The following AKAP13 variants were observed in gnomAD, a reference collection of about 807,000 sequenced individuals.
AKAP13 encodes A-kinase anchoring protein 13.
AKAP13 carries 80 observed loss-of-function variants against 264.5 expected under a neutral mutation model. That is an observed-to-expected ratio of 0.30 (90% CI 0.25 to 0.36). The LOEUF is 0.36. Among genes scored for constraint, AKAP13 ranks in the 10% least tolerant of loss-of-function variants. The pLI, the probability that AKAP13 is intolerant of heterozygous loss-of-function variation, is 1.00. For synonymous variants in AKAP13, 1,380 were observed against 1,250.2 expected, an observed-to-expected ratio of 1.10 and a Z score of -2.19; for missense variants, 3,712 against 3,435.2, an observed-to-expected ratio of 1.08 and a Z score of -2.01.
chr15:85,740,286 T>C lies in AKAP13; in HGVS notation c.7608+14T>C, dbSNP rs758597500. 6.2e-7 allele frequency: 1 copy of C among 1,613,694 alleles called. No homozygotes were observed. Among genetic ancestry groups the C allele is most frequent in the Non-Finnish European group, 8.5e-7 (1 of 1,179,680 alleles). ...AGCGCTCTGCAGGTGCGTGCCTTCA[T>C]CTTCCATCCCTGCGTTTATTTGTCT... On this transcript the variant is annotated intron_variant, in intron 34 of 36. Transcript: ENST00000394518.
In AKAP13 at chr15:85,723,264, A is replaced by C; in HGVS notation, c.6689A>C (p.Lys2230Thr). ...TTTGCCAAGGAAGATTTGAAACGGA[A>C]GAAGCTTGTACGTGATGGGAGTGTG... ...QMFAKEDLKR[K>T]KLVRDGSVFL... Residue 2230 changes from lysine to threonine, a missense_variant, in exon 26 of 37, where the codon AAG becomes ACG. This residue lies in a region of AKAP13 where 342 missense variants were observed against 484.3 expected (regional missense o/e 0.71). Coordinates refer to ENST00000394518, the MANE Select transcript of AKAP13 (RefSeq NM_007200.5). 1 of 1,614,162 alleles carries C rather than the reference A, an allele frequency of 6.2e-7. No homozygotes were observed. Among genetic ancestry groups the C allele is most frequent in the Non-Finnish European group, 8.5e-7 (1 of 1,179,986 alleles).
intron 5 of AKAP13, among the ~76,000 whole-genome samples, chr15:85,570,116 C>A (rs1310571253): frequency 1.4e-5 from 2 of 142,238 alleles, no homozygotes; most frequent in South Asian, 2.3e-4. Context: ...TTGATATTTA[C>A]TTATCACTGG....
In AKAP13 at chr15:85,708,986, G is replaced by A. The variant is rs2086476133; in HGVS notation, c.5532+900G>A. Among the ~76,000 whole-genome samples the A allele has an allele frequency of 6.6e-6, 1 of 152,158 alleles. No individual in the cohort carries two copies. Among genetic ancestry groups the A allele is most frequent in the Non-Finnish European group, 1.5e-5 (1 of 68,022 alleles). Reference sequence around the variant, plus strand: ...TCCCAGATGATGCTGATAGTCCGAGGACCTTACTTTGAGAAGCACTAAAAC... The same window carrying A: ...TCCCAGATGATGCTGATAGTCCGAGAACCTTACTTTGAGAAGCACTAAAAC... On this transcript the variant is annotated intron_variant, in intron 18 of 36. Transcript: ENST00000394518. This position sits in a 1 kb window ranked among gnomAD's most constrained non-coding sequence, Gnocchi z 4.3.
intron 1 of AKAP13, among the ~76,000 whole-genome samples, chr15:85,384,943 A>G (rs914058459): frequency 2.6e-5 from 4 of 152,128 alleles, no homozygotes; most frequent in Non-Finnish European, 5.9e-5. Flanking sequence ...TGTGTGGGGC[A>G]ATGCTGTGTT....
chr15:85,579,839 G>A lies in AKAP13; in HGVS notation c.1771G>A (p.Ala591Thr), dbSNP rs372781373. Residue 591 changes from alanine to threonine, a missense_variant, in exon 7 of 37, where the codon GCT becomes ACT. Ala to Thr is a moderately conservative substitution (Grantham distance 58). Coordinates refer to ENST00000394518, the MANE Select transcript of AKAP13 (RefSeq NM_007200.5). ...PVDQNSVVIP[A>T]AAKDKISDGL... ...AGATCAGAATTCTGTGGTGATTCCA[G>A]CTGCTGCAAAAGACAAGATTTCAGA... 6.2e-7 allele frequency: 1 copy of A among 1,614,174 alleles called. No homozygotes were observed. Among genetic ancestry groups the A allele is most frequent in the African/African-American group, 1.3e-5 (1 of 75,052 alleles).
intron 13 of AKAP13, among the ~76,000 whole-genome samples, chr15:85,665,193 A>C (rs1205011890): frequency 6.6e-6 from 1 of 152,066 alleles, no homozygotes; most frequent in Non-Finnish European, 1.5e-5. Context: ...ACAGAGCAAG[A>C]CTCTGTCTCC....
intron 1 of AKAP13, among the ~76,000 whole-genome samples, chr15:85,444,048 A>G (rs1214087621): frequency 6.6e-6 from 1 of 152,178 alleles, no homozygotes; most frequent in Non-Finnish European, 1.5e-5. Context: ...TTTTTATCCT[A>G]GTGATTCGGG....
chr15:85,547,336 C>A (rs1381249386), intron 5 of AKAP13, among the ~76,000 whole-genome samples: 2 of 150,602 alleles, frequency 1.3e-5, no homozygotes, highest in Admixed American at 6.6e-5. Context: ...GTGTGGGGAG[C>A]CTTGTGCTGG....
chr15:85,682,713 G>C (rs531713717), intron 15 of AKAP13, among the ~76,000 whole-genome samples: 1 of 152,008 alleles, frequency 6.6e-6, no homozygotes, highest in African/African-American at 2.4e-5. Context: ...TGTTGCCCAG[G>C]CTGGAGTGCA....
intron 2 of AKAP13, among the ~76,000 whole-genome samples, chr15:85,494,033 A>T (rs1472295298): frequency 6.6e-6 from 1 of 152,216 alleles, no homozygotes; most frequent in African/African-American, 2.4e-5. Context: ...CCATTTTAGG[A>T]AAATCCAATA....
intron 4 of AKAP13, among the ~76,000 whole-genome samples, chr15:85,540,346 T>C (rs2077543716): frequency 6.6e-6 from 1 of 152,212 alleles, no homozygotes; most frequent in Non-Finnish European, 1.5e-5. Flanking sequence ...CCTGCCCACA[T>C]AATCCAGGAT....
At chr15:85,663,968 A>G (rs1356887777) in intron 12 of AKAP13, among the ~76,000 whole-genome samples, 3 of 152,228 alleles carry the variant, frequency 2.0e-5, no homozygotes, top group African/African-American at 2.4e-5. Flanking sequence ...TGCAACTAAC[A>G]ATTCTCGAGA....
intron 16 of AKAP13, among the ~76,000 whole-genome samples, chr15:85,686,050 AC>A (rs1328861210): frequency 2.0e-5 from 3 of 152,134 alleles, no homozygotes; most frequent in African/African-American, 7.2e-5. Context: ...TTCGCCTCTC[AC>A]ACCCTGTTCA....
intron 1 of AKAP13, among the ~76,000 whole-genome samples, chr15:85,396,250 A>G (rs1257957712): frequency 1.3e-5 from 2 of 152,216 alleles, no homozygotes; most frequent in Non-Finnish European, 2.9e-5. Flanking sequence ...TAAAATCTAT[A>G]CAGCTCTTGC....
chr15:85,524,203 A>G (rs1333297027), intron 3 of AKAP13, among the ~76,000 whole-genome samples: 3 of 112,154 alleles, frequency 2.7e-5, no homozygotes, highest in Non-Finnish European at 5.0e-5. Context: ...CCCAAGAAGG[A>G]GTCTTGCTCT....
At position 85,740,300 on chromosome 15, in the gene AKAP13, GTTTA is replaced by G. The variant is rs762749924; in HGVS notation, c.7608+32_7608+35del. On this transcript the variant is annotated intron_variant, in intron 34 of 36. Transcript: ENST00000394518. ...GCGTGCCTTCATCTTCCATCCCTGC[GTTTA>G]TTTGTCTAGAGAACAGCAGCTTGGG... The G allele has an allele frequency of 2.5e-6, 4 of 1,612,820 alleles. No individual in the cohort carries two copies. In the African/African-American group the frequency reaches 4.0e-5, roughly 16 times the overall value.
chr15:85,516,193 A>G (rs1690262958), intron 2 of AKAP13, among the ~76,000 whole-genome samples: 1 of 152,204 alleles, frequency 6.6e-6, no homozygotes, highest in South Asian at 2.1e-4. Context: ...GCACATTATA[A>G]TAGTAGTCAT....
chr15:85,578,172 A>G (rs1443896473), intron 6 of AKAP13, among the ~76,000 whole-genome samples: 6 of 152,102 alleles, frequency 3.9e-5, no homozygotes, highest in African/African-American at 7.2e-5. Context: ...AGTCCTAGCT[A>G]CTGAAGAGGC....
At chr15:85,732,086 A>C (rs1007347045) in intron 30 of AKAP13, among the ~76,000 whole-genome samples, 1 of 152,070 alleles carries the variant, frequency 6.6e-6, no homozygotes, top group Non-Finnish European at 1.5e-5. Flanking sequence ...ATCTCAAAAA[A>C]AAAAAAAAAA....
Sources: allele counts gnomAD v4.1 joint callset (sites outside exome capture counted in the v4.1 genomes callset), GRCh38; gene constraint gnomAD v4.1.1; regional missense constraint gnomAD v4.1.1; non-coding constraint Gnocchi (gnomAD v3.1); transcripts MANE v1.5; gene names NCBI Gene and HGNC (gene_info 2026-07-23, HGNC 2026-07-21).